Variants in ZCRB1 observed in about 807,000 individuals in gnomAD.
ZCRB1 encodes the protein zinc finger CCHC-type and RNA binding motif containing 1, also known as zinc finger CCHC-type and RNA-binding motif-containing protein 1.
In ZCRB1, 21 loss-of-function variants were observed where a neutral mutation model predicts 29.9. The observed-to-expected ratio is 0.70, with a 90% confidence interval of 0.50 to 1.01. The LOEUF (loss-of-function observed/expected upper bound fraction) is 1.01, where lower values mean the gene tolerates loss of function less well. Among genes scored for constraint, ZCRB1 ranks in the 50% least tolerant of loss-of-function variants. ZCRB1 has a pLI of 0.00. For missense variants in ZCRB1, 204 were observed against 253.3 expected, an observed-to-expected ratio of 0.81 and a Z score of 1.32; for synonymous variants, 77 against 80.0, an observed-to-expected ratio of 0.96 and a Z score of 0.20.
At chr12:42,321,464 A>G (rs571125296) in intron 3 of ZCRB1, among the ~76,000 whole-genome samples, 2 of 152,338 alleles carry the variant, frequency 1.3e-5, no homozygotes, top group Admixed American at 1.3e-4. Flanking sequence ...ATACACATAA[A>G]GAGATTAGAA....
At position 42,317,355 on chromosome 12, in the gene ZCRB1, C is replaced by T; in HGVS notation, c.318G>A (p.Lys106=). 6.2e-7 allele frequency: 1 copy of T among 1,611,236 alleles called. No homozygotes were observed. The change falls in exon 5 of 8, where the codon AAG becomes AAA. Residue 106 remains lysine, a synonymous_variant. Coordinates refer to ENST00000266529, the MANE Select transcript of ZCRB1 (RefSeq NM_033114.4). The part of the protein sequence containing the change: ...IRRRNYFDKS[K]CYECGESGHL... ...GTTTACTTACCCCACATTCATAACACTTAGATTTATCAAAGTAGTTTCGCC... is the reference window on the plus strand; with the variant it reads ...GTTTACTTACCCCACATTCATAACATTTAGATTTATCAAAGTAGTTTCGCC...
rs187495728 is a variant in ZCRB1, at chr12:42,312,941, T to A, written c.*126A>T. The A allele has an allele frequency of 2.7e-4, 278 of 1,021,654 alleles. No homozygotes were observed. The African/African-American group carries it at 4.1e-3, about 15-fold the overall frequency. 63.3% of individuals were successfully genotyped at this position (1,021,654 alleles called of 1,614,324 possible). A position where few individuals can be genotyped will look rare whatever the true frequency, so the allele number is the denominator to read the frequency against. Reference sequence around the variant, plus strand: ...TTTCAAATAAATTTTTAAAATATCTTTTTTCTTGGGATGACAATAATAGTA... The same window carrying A: ...TTTCAAATAAATTTTTAAAATATCTATTTTCTTGGGATGACAATAATAGTA... On this transcript the variant is annotated 3_prime_UTR_variant, in exon 8 of 8. Coordinates refer to ENST00000266529, the MANE Select transcript of ZCRB1 (RefSeq NM_033114.4).
intron 3 of ZCRB1, among the ~76,000 whole-genome samples, chr12:42,319,913 C>T (rs2068613209): frequency 6.6e-6 from 1 of 152,128 alleles, no homozygotes; most frequent in Admixed American, 6.5e-5. Flanking sequence ...TAGCCTCAAG[C>T]CCATGTGCTA....
chr12:42,313,344 CCT>C (rs1450856484), intron 7 of ZCRB1, 146 bp from the exon 8 acceptor site: 3 of 874,282 alleles, frequency 3.4e-6, no homozygotes, highest in Non-Finnish European at 4.9e-6. Flanking sequence ...GCTCCCTTCC[CCT>C]GAGTTCTGTC....
chr12:42,313,873 C>T lies in ZCRB1; in HGVS notation c.446+1G>A. The T allele has an allele frequency of 1.3e-6, 2 of 1,599,910 alleles. No homozygotes were observed. Among genetic ancestry groups the T allele is most frequent in the African/African-American group, 1.4e-5 (1 of 73,668 alleles). ...GTATTTAGTAAGAATAATATACATA[C>T]ATTTCTTCTTCTGGTTCAGGAGCTT... On this transcript the variant is annotated splice_donor_variant, in intron 6 of 7. Coordinates refer to ENST00000266529, the MANE Select transcript of ZCRB1 (RefSeq NM_033114.4). LOFTEE classifies it high-confidence loss of function.
intron 3 of ZCRB1, among the ~76,000 whole-genome samples, chr12:42,319,389 C>T (rs1419963437): frequency 6.6e-6 from 1 of 152,092 alleles, no homozygotes; most frequent in Non-Finnish European, 1.5e-5. Flanking sequence ...CTGTAAGTTG[C>T]CTATTCTTTG....
chr12:42,314,127 T>C, intron 5 of ZCRB1, 141 bp from the exon 6 acceptor site: 1 of 755,490 alleles, frequency 1.3e-6, no homozygotes. Context: ...AAGACATTAA[T>C]GATAAAACCC....
intron 1 of ZCRB1, chr12:42,325,321 G>A (rs950978327): frequency 6.6e-5 from 10 of 152,070 alleles, no homozygotes; most frequent in African/African-American, 2.4e-4. Context: ...CTTTTAGTAT[G>A]ATGTTAAGGA....
At position 42,313,102 on chromosome 12, in the gene ZCRB1, T is replaced by C; in HGVS notation, c.619A>G (p.Thr207Ala). 1.9e-6 allele frequency: 3 copies of C among 1,611,892 alleles called. No homozygotes were observed. The highest frequency in any genetic ancestry group is 2.5e-6 in the Non-Finnish European group (3 of 1,179,156). ...AGTTCTTCCTCATCACTGAAATATG[T>C]GCTTTTCTTTATCCTTGGGCGTCTT... Reference protein sequence around the residue: ...DSRRPRIKKSTYFSDEEELSD With the variant: ...DSRRPRIKKSAYFSDEEELSD Residue 207 changes from threonine to alanine, a missense_variant, in exon 8 of 8, where the codon ACA (threonine) becomes GCA (alanine). Coordinates refer to ENST00000266529, the MANE Select transcript of ZCRB1 (RefSeq NM_033114.4).
In ZCRB1 at chr12:42,317,377, C is replaced by T. The variant is rs766798378; in HGVS notation, c.296G>A (p.Arg99Gln). 1.1e-5 allele frequency: 18 copies of T among 1,612,662 alleles called. No homozygotes were observed. Among genetic ancestry groups the T allele is most frequent in the Middle Eastern group, 3.3e-4 (2 of 5,998 alleles). Residue 99 changes from arginine to glutamine, a missense_variant, in exon 5 of 8, where the codon CGA (arginine) becomes CAA (glutamine). Coordinates refer to ENST00000266529, the MANE Select transcript of ZCRB1 (RefSeq NM_033114.4). ...ACACTTAGATTTATCAAAGTAGTTT[C>T]GCCTTCGGATGAACTCAGCTGCTCT... ...NGRAAEFIRR[R>Q]NYFDKSKCYE...
intron 2 of ZCRB1, 110 bp downstream of exon 2, chr12:42,323,909 T>C: frequency 1.0e-6 from 1 of 1,004,154 alleles, no homozygotes; most frequent in Non-Finnish European, 1.5e-6. Flanking sequence ...AGAATTAGAC[T>C]GTCTCAAAAA....
rs1410469119 is a variant in ZCRB1, at chr12:42,312,543, G to A, written c.*524C>T. 4 of 152,126 alleles carry A rather than the reference G, an allele frequency of 2.6e-5. No homozygotes were observed. The highest frequency in any genetic ancestry group is 4.4e-5 in the Non-Finnish European group (3 of 68,000). 9.4% of individuals were successfully genotyped at this position (152,126 alleles called of 1,614,324 possible). On this transcript the variant is annotated 3_prime_UTR_variant, in exon 8 of 8. Coordinates refer to ENST00000266529, the MANE Select transcript of ZCRB1 (RefSeq NM_033114.4). The stretch of plus-strand genomic sequence containing the variant: ...CTTTTATTAAGTGACTGAAATATAT[G>A]TACTTTATTTAGCTACATGTGTGCA...
chr12:42,312,963 A>T lies in ZCRB1; in HGVS notation c.*104T>A, dbSNP rs1592100971. 2.7e-6 allele frequency: 3 copies of T among 1,110,058 alleles called. No homozygotes were observed. The highest frequency in any genetic ancestry group is 3.5e-6 in the Non-Finnish European group (3 of 848,638). The allele number at this position is 1,110,058 out of a possible 1,614,324, so 68.8% of individuals were successfully genotyped here. A position where few individuals can be genotyped will look rare whatever the true frequency, so the allele number is the denominator to read the frequency against. ...TCTTTTTTCTTGGGATGACAATAAT[A>T]GTATTAACATGATAGTATTAATTTT... On this transcript the variant is annotated 3_prime_UTR_variant, in exon 8 of 8. Coordinates refer to ENST00000266529, the MANE Select transcript of ZCRB1 (RefSeq NM_033114.4).
At chr12:42,322,569 AAGAC>A (rs1322099938) in intron 2 of ZCRB1, 123 bp from the exon 3 acceptor site, 9 of 1,047,888 alleles carry the variant, frequency 8.6e-6, no homozygotes, top group Non-Finnish European at 1.2e-5. Context: ...TTCAGTCTAT[AAGAC>A]AGGCCCTAGG....
intron 3 of ZCRB1, among the ~76,000 whole-genome samples, chr12:42,318,813 C>T (rs931248005): frequency 1.3e-5 from 2 of 152,090 alleles, no homozygotes; most frequent in East Asian, 1.9e-4. Context: ...GCCAAGAATA[C>T]AGCAGCCAGC....
At position 42,324,118 on chromosome 12, in the gene ZCRB1, C is replaced by A; in HGVS notation, c.-2-14G>T. 3.1e-6 allele frequency: 5 copies of A among 1,608,222 alleles called. No homozygotes were observed. The highest frequency in any genetic ancestry group is 4.3e-6 in the Non-Finnish European group (5 of 1,174,682). ...CACCACTCATTTCTAAAAGTGAAAACAAACTTATCAGCAATCAGTCTAAAC... is the reference window on the plus strand; with the variant it reads ...CACCACTCATTTCTAAAAGTGAAAAAAAACTTATCAGCAATCAGTCTAAAC... On this transcript the variant is annotated splice_polypyrimidine_tract_variant and intron_variant, in intron 1 of 7. Transcript: ENST00000266529.
rs1592102656 is a variant in ZCRB1 at position 42,317,713 on chromosome 12, T to C, written c.225+74A>G. 2.3e-6 allele frequency: 3 copies of C among 1,276,626 alleles called. No individual in the cohort carries two copies. In the East Asian group the frequency reaches 6.9e-5, roughly 30 times the overall value. 79.1% of individuals were successfully genotyped at this position (1,276,626 alleles called of 1,614,324 possible). A position where few individuals can be genotyped will look rare whatever the true frequency, so the allele number is the denominator to read the frequency against. The stretch of plus-strand genomic sequence containing the variant: ...ATCTGCTAGACCTGATGATCCACTA[T>C]ATCCCCACATTTTTGGCCTGGATGA... On this transcript the variant is annotated intron_variant, in intron 4 of 7. Transcript: ENST00000266529.
intron 5 of ZCRB1, among the ~76,000 whole-genome samples, chr12:42,314,736 T>G (rs1231539851): frequency 6.6e-6 from 1 of 152,056 alleles, no homozygotes; most frequent in Non-Finnish European, 1.5e-5. Flanking sequence ...TGGGTCACCT[T>G]AGGAAGTGAG....
At chr12:42,324,212 G>A (rs935303320) in intron 1 of ZCRB1, 108 bp from the exon 2 acceptor site, 23 of 890,748 alleles carry the variant, frequency 2.6e-5, no homozygotes, top group African/African-American at 1.8e-4. Context: ...GCAATGGCGT[G>A]ATCTCGGCTC....
Sources: gnomAD v4.1 joint callset for allele counts (sites outside exome capture counted in the v4.1 genomes callset) on GRCh38, gnomAD v4.1.1 for gene constraint, MANE v1.5 for transcripts, NCBI Gene and HGNC (gene_info 2026-07-23, HGNC 2026-07-21) for gene names.